BAIAP3: variants seen among roughly 807,000 people sequenced by gnomAD.
BAIAP3 encodes BAI1 associated protein 3.
Under a neutral mutation model 149.7 loss-of-function variants are expected in BAIAP3, and 180 were observed. That is an observed-to-expected ratio of 1.20 (90% CI 1.07 to 1.36). BAIAP3 has a LOEUF of 1.36. Among genes scored for constraint, BAIAP3 ranks in the 40% most tolerant of loss-of-function variants. The probability of loss-of-function intolerance (pLI) is 0.00; values close to 1 mark genes in which losing one functional copy is unlikely to be tolerated. For missense variants in BAIAP3, 1,767 were observed against 1,563.4 expected, an observed-to-expected ratio of 1.13 and a Z score of -2.20; for synonymous variants, 845 against 670.7, an observed-to-expected ratio of 1.26 and a Z score of -4.02.
In BAIAP3 at chr16:1,341,354, C is replaced by A. The variant is rs762903308; in HGVS notation, c.596C>A (p.Pro199His). The change falls in exon 8 of 34, where the codon CCC (proline) becomes CAC (histidine). Residue 199 changes from proline (P) to histidine (H), a missense_variant. Pro to His is a moderately conservative substitution (Grantham distance 77). Coordinates refer to ENST00000426824, the MANE Select transcript of BAIAP3 (RefSeq NM_001199097.2). ...CCTGCCTCGGACGCCACGCGGGAGC[C>A]CCGTGCACAGAAGGAGCAGCGCTTC... ...ILPASDATRE[P>H]RAQKEQRFGF... 7.4e-6 allele frequency: 12 copies of A among 1,612,228 alleles called. No homozygotes were observed. Among genetic ancestry groups the A allele is most frequent in the Non-Finnish European group, 1.0e-5 (12 of 1,179,894 alleles).
Position 1,343,399 on chromosome 16 carries a change from G to C in BAIAP3, c.1272G>C (p.Trp424Cys). 6.4e-7 allele frequency: 1 copy of C among 1,569,908 alleles called. No homozygotes were observed. Among genetic ancestry groups the C allele is most frequent in the South Asian group, 1.2e-5 (1 of 86,036 alleles). ...LSPLQLAVLH[W>C]QVSSRHHQTC... Reference sequence around the variant, plus strand: ...CATGGGCCGGGCCCCACAGGCACTGGCAGGTCAGCAGCCGCCACCATCAAA... The same window carrying C: ...CATGGGCCGGGCCCCACAGGCACTGCCAGGTCAGCAGCCGCCACCATCAAA... Residue 424 changes from tryptophan (W) to cysteine (C), a missense_variant, in exon 15 of 34, where the codon TGG becomes TGC. By Grantham distance (215) the Trp-to-Cys change is radical. Coordinates refer to ENST00000426824, the MANE Select transcript of BAIAP3 (RefSeq NM_001199097.2).
rs1360724944 is a variant in BAIAP3, at chr16:1,340,972, G to A, written c.459G>A (p.Arg153=). The A allele has an allele frequency of 2.5e-6, 4 of 1,595,638 alleles. No homozygotes were observed. In the South Asian group the frequency reaches 3.4e-5, roughly 13 times the overall value. Residue 153 remains arginine (R), a synonymous_variant, in exon 6 of 34, where the codon AGG becomes AGA. Coordinates refer to ENST00000426824, the MANE Select transcript of BAIAP3 (RefSeq NM_001199097.2). ...ACACTGAGGCCATCGAGCGAGTGAG[G>A]AAGGCCAAGGTGAGGCCGCCACTGC... The part of the protein sequence containing the change: ...EEHTEAIERV[R]KAKAPTYALK...
In BAIAP3 at chr16:1,348,905, G is replaced by T. The variant is rs1042375544; in HGVS notation, c.*423G>T. On this transcript the variant is annotated 3_prime_UTR_variant, in exon 34 of 34. Coordinates refer to ENST00000426824, the MANE Select transcript of BAIAP3 (RefSeq NM_001199097.2). ...CGCATTTTTGGTAATCACAGCTGGG[G>T]AGTGAAAAGGGTGCCACTGGCACCA... is the stretch of plus-strand genomic sequence containing the variant. 3.3e-5 allele frequency: 9 copies of T among 273,800 alleles called. No homozygotes were observed. The highest frequency in any genetic ancestry group is 9.9e-5 in the Admixed American group (2 of 20,118). The allele number at this position is 273,800 out of a possible 1,614,324, so 17.0% of individuals were successfully genotyped here.
rs1268542148 is a variant in BAIAP3 at position 1,345,316 on chromosome 16, C to T, written c.2008C>T (p.Gln670Ter). 1.9e-6 allele frequency: 3 copies of T among 1,613,028 alleles called. No individual in the cohort carries two copies. Among genetic ancestry groups the T allele is most frequent in the African/African-American group, 2.7e-5 (2 of 74,862 alleles). The part of the protein sequence containing the change: ...PFLPAVKLWF[Q>*]VLRDQAKWRL... ...CCTGCCTGCTGTGAAGCTCTGGTTC[C>T]AAGTGCTGAGGGACCAGGCCAAGTG... is the stretch of plus-strand genomic sequence containing the variant. The change falls in exon 22 of 34, where the codon CAA (glutamine) becomes TAA (stop). Residue 670 changes from glutamine to a stop codon, truncating the protein, a stop_gained. Coordinates refer to ENST00000426824, the MANE Select transcript of BAIAP3 (RefSeq NM_001199097.2). LOFTEE classifies it high-confidence loss of function.
At chr16:1,336,857 G>A (rs554916063) in intron 1 of BAIAP3, among the ~76,000 whole-genome samples, 1 of 152,188 alleles carries the variant, frequency 6.6e-6, no homozygotes, top group Non-Finnish European at 1.5e-5. Context: ...CAGCCCGGAG[G>A]CACCCTCCGC....
In BAIAP3 at chr16:1,342,648, G is replaced by GCGTCCCCGTCCTC. The variant is rs1476588348; in HGVS notation, c.1065+16_1065+28dup. On this transcript the variant is annotated intron_variant, in intron 12 of 33. Coordinates refer to ENST00000426824, the MANE Select transcript of BAIAP3 (RefSeq NM_001199097.2). ...ATCACTACGCAGGTGGGGAAAGTGG[G>GCGTCCCCGTCCTC]CGTCCCCGTCCTCCACCCCCGTCCT... 6.3e-7 allele frequency: 1 copy of GCGTCCCCGTCCTC among 1,599,030 alleles called. No individual in the cohort carries two copies.
intron 17 of BAIAP3, 75 bp from the exon 18 acceptor site, chr16:1,344,394 C>T: frequency 6.2e-7 from 1 of 1,609,974 alleles, no homozygotes; most frequent in Non-Finnish European, 8.5e-7. Flanking sequence ...CCCTGCACCT[C>T]TGCACCACGG....
chr16:1,347,272 A>G, intron 28 of BAIAP3, 26 bp from the exon 29 acceptor site: 1 of 1,608,808 alleles, frequency 6.2e-7, no homozygotes, highest in Non-Finnish European at 8.5e-7. Context: ...GCTCCCTGAC[A>G]CCTCTGCCTT....
In BAIAP3 at chr16:1,342,635, G is replaced by A; in HGVS notation, c.1065+1G>A. 1 of 1,589,936 alleles carries A rather than the reference G, an allele frequency of 6.3e-7. No homozygotes were observed. Among genetic ancestry groups the A allele is most frequent in the South Asian group, 1.1e-5 (1 of 88,288 alleles). On this transcript the variant is annotated splice_donor_variant, in intron 12 of 33. Coordinates refer to ENST00000426824, the MANE Select transcript of BAIAP3 (RefSeq NM_001199097.2). LOFTEE classifies it high-confidence loss of function. ...GGTTCTCAAGCTGATCACTACGCAG[G>A]TGGGGAAAGTGGGCGTCCCCGTCCT...
At chr16:1,341,596 G>A (rs1342853122) in intron 8 of BAIAP3, 107 bp downstream of exon 8, 2 of 1,400,726 alleles carry the variant, frequency 1.4e-6, no homozygotes, top group African/African-American at 1.4e-5. Flanking sequence ...TCTCTTTGGG[G>A]CCGTGTGCCC....
At position 1,344,027 on chromosome 16, in the gene BAIAP3, G is replaced by C. The variant is rs374545952; in HGVS notation, c.1392G>C (p.Glu464Asp). ...EAPSLPQEQE[E>D]SLADSLSAFS... Reference sequence around the variant, plus strand: ...GAAGGGCCCTGTCCCCACAGGAGGAGAGCCTGGCTGATAGCCTTTCCGCCT... The same window carrying C: ...GAAGGGCCCTGTCCCCACAGGAGGACAGCCTGGCTGATAGCCTTTCCGCCT... The change falls in exon 16 of 34, where the codon GAG becomes GAC. Residue 464 changes from glutamate (E) to aspartate (D), a missense_variant. Glu to Asp is a conservative substitution (Grantham distance 45, BLOSUM62 2). Transcript: ENST00000426824. The C allele has an allele frequency of 1.7e-5, 27 of 1,612,168 alleles. No homozygotes were observed. Among genetic ancestry groups the C allele is most frequent in the Non-Finnish European group, 3.4e-6 (4 of 1,179,912 alleles).
chr16:1,340,097 C>A (rs1386095853), intron 5 of BAIAP3, among the ~76,000 whole-genome samples: 1 of 147,450 alleles, frequency 6.8e-6, no homozygotes, highest in Non-Finnish European at 1.5e-5. Flanking sequence ...CACACAGACA[C>A]AGGCACACAG....
chr16:1,343,262 G>A (rs550402593), intron 14 of BAIAP3, 131 bp from the exon 15 acceptor site: 34 of 1,367,474 alleles, frequency 2.5e-5, no homozygotes, highest in Non-Finnish European at 3.1e-5. Flanking sequence ...GCAGGGAAAG[G>A]GGCAGTGCTA....
chr16:1,334,776 C>A, intron 1 of BAIAP3: 1 of 1,545,412 alleles, frequency 6.5e-7, no homozygotes, highest in Non-Finnish European at 8.7e-7. Context: ...GGGAGAGATT[C>A]CTGCGGGAAA....
chr16:1,338,458 A>ACCCCCCC lies in BAIAP3; in HGVS notation c.-10-81_-10-75dup. 4 of 121,368 alleles carry ACCCCCCC rather than the reference A, an allele frequency of 3.3e-5. 2 individuals carry two copies. The highest frequency in any genetic ancestry group is 6.8e-5 in the Non-Finnish European group (4 of 59,242). The allele number at this position is 121,368 out of a possible 1,614,324, so 7.5% of individuals were successfully genotyped here. On this transcript the variant is annotated intron_variant, in intron 1 of 33. Transcript: ENST00000426824. ...CCTCTGCCCCACCTCTTCCCGCCCC[A>ACCCCCCC]CCCCCCCACCCCCCCGCCTGCTGTG...
chr16:1,333,890 G>C (rs1365556956), intron 1 of BAIAP3, 141 bp downstream of exon 1: 1 of 152,066 alleles, frequency 6.6e-6, no homozygotes, highest in Non-Finnish European at 1.5e-5. Flanking sequence ...GAGGCGGGGG[G>C]CGGTGGGAAG....
chr16:1,341,220 G>C lies in BAIAP3; in HGVS notation c.535+25G>C, dbSNP rs34468534. On this transcript the variant is annotated intron_variant, in intron 7 of 33. Transcript: ENST00000426824. ...GGTGAGTGGGGACCCAGCAGACCTCGGCTGCGCCGAGGCCTGGCGGCCATG... is the reference window on the plus strand; with the variant it reads ...GGTGAGTGGGGACCCAGCAGACCTCCGCTGCGCCGAGGCCTGGCGGCCATG... 21 of 1,609,064 alleles carry C rather than the reference G, an allele frequency of 1.3e-5. No homozygotes were observed. In the East Asian group the frequency reaches 1.3e-4, roughly 10 times the overall value.
rs749787914 is a variant in BAIAP3 at position 1,345,076 on chromosome 16, C to A, written c.1917C>A (p.Arg639=). 7.4e-6 allele frequency: 12 copies of A among 1,612,612 alleles called. No individual in the cohort carries two copies. In the South Asian group the frequency reaches 1.3e-4, roughly 18 times the overall value. Residue 639 remains arginine, a synonymous_variant, in exon 21 of 34, where the codon CGC becomes CGA. Transcript: ENST00000426824. ...ELYLTLADLQ[R]FWDSIPGRDS... is the part of the protein sequence containing the mutation. ...ACCTGACCCTGGCTGACCTCCAGCGCTTCTGGGATAGCATCCCTGGCCGGT... is the reference window on the plus strand; with the variant it reads ...ACCTGACCCTGGCTGACCTCCAGCGATTCTGGGATAGCATCCCTGGCCGGT...
Position 1,347,834 on chromosome 16 carries a change from G to T in BAIAP3, c.3025+13G>T. The stretch of plus-strand genomic sequence containing the variant: ...CTGGACGCCAACGGTGAGTTGCAGC[G>T]GGGACGGGTCGGGTGGTGGTGGGAT... On this transcript the variant is annotated intron_variant, in intron 31 of 33. Transcript: ENST00000426824. 1 of 1,604,088 alleles carries T rather than the reference G, an allele frequency of 6.2e-7. No homozygotes were observed. Among genetic ancestry groups the T allele is most frequent in the Non-Finnish European group, 8.5e-7 (1 of 1,174,308 alleles).
Sources: allele counts gnomAD v4.1 joint callset (sites outside exome capture counted in the v4.1 genomes callset), GRCh38; gene constraint gnomAD v4.1.1; transcripts MANE v1.5; gene names NCBI Gene and HGNC (gene_info 2026-07-23, HGNC 2026-07-21).